Variants in RBFOX1 observed in about 807,000 individuals in gnomAD.
RBFOX1 encodes the protein RNA binding fox-1 homolog 1, also known as RNA binding protein fox-1 homolog 1.
In RBFOX1, 8 loss-of-function variants were observed where a neutral mutation model predicts 57.7. That is an observed-to-expected ratio of 0.14 (90% CI 0.08 to 0.25). The LOEUF is 0.25. Among genes scored for constraint, RBFOX1 ranks in the 10% least tolerant of loss-of-function variants. The pLI is 1.00. For synonymous variants in RBFOX1, 326 were observed against 222.4 expected (o/e 1.47, Z -4.15); for missense variants, 611 against 548.5 (o/e 1.11, Z -1.14).
At chr16:5,862,373 C>T (rs1234379781) in intron 3 of RBFOX1, among the ~76,000 whole-genome samples, 1 of 152,102 alleles carries the variant, frequency 6.6e-6, no homozygotes, top group African/African-American at 2.4e-5. Flanking sequence ...CCAGGGATGG[C>T]ACTTGAGGGA....
intron 3 of RBFOX1, among the ~76,000 whole-genome samples, chr16:6,818,207 G>A (rs57956816): frequency 2.6e-5 from 4 of 151,994 alleles, no homozygotes; most frequent in Non-Finnish European, 5.9e-5. Flanking sequence ...TCCTGTGACA[G>A]TTTGGCCAAC....
chr16:7,003,316 T>C (rs2093002144), intron 3 of RBFOX1, among the ~76,000 whole-genome samples: 1 of 151,894 alleles, frequency 6.6e-6, no homozygotes, highest in Non-Finnish European at 1.5e-5. Flanking sequence ...AAAAATTAGC[T>C]GGGCGTGATG....
intron 3 of RBFOX1, among the ~76,000 whole-genome samples, chr16:5,737,354 G>A (rs765830548): frequency 3.3e-5 from 5 of 151,934 alleles, no homozygotes; most frequent in East Asian, 1.9e-4. Context: ...GCGTGGTGGC[G>A]TGTGCCTGTA....
chr16:6,979,891 G>T (rs975631104), intron 3 of RBFOX1, among the ~76,000 whole-genome samples: 2 of 152,094 alleles, frequency 1.3e-5, no homozygotes, highest in Admixed American at 6.6e-5. Flanking sequence ...TCTAGGTGTG[G>T]CCACAGGACA....
chr16:7,317,114 G>T (rs1418123109), intron 4 of RBFOX1, among the ~76,000 whole-genome samples: 1 of 152,076 alleles, frequency 6.6e-6, no homozygotes, highest in African/African-American at 2.4e-5. Flanking sequence ...GAGGACGGGG[G>T]TGTCAAGTAG....
At chr16:7,352,303 C>T (rs2097142881) in intron 4 of RBFOX1, among the ~76,000 whole-genome samples, 1 of 152,168 alleles carries the variant, frequency 6.6e-6, no homozygotes, top group Non-Finnish European at 1.5e-5. Context: ...GCAGAAACAA[C>T]TGGCCCTGTC....
At chr16:7,568,028 T>A (rs1567872009) in intron 5 of RBFOX1, among the ~76,000 whole-genome samples, 1 of 151,996 alleles carries the variant, frequency 6.6e-6, no homozygotes, top group Non-Finnish European at 1.5e-5. Flanking sequence ...GAAACTTAGT[T>A]GACTCAATAA....
chr16:7,609,713 T>G (rs531625232), intron 10 of RBFOX1, among the ~76,000 whole-genome samples: 2 of 152,316 alleles, frequency 1.3e-5, no homozygotes, highest in African/African-American at 4.8e-5. Flanking sequence ...GCTCTGAGAT[T>G]TCAGCTGGTC....
chr16:5,888,839 A>G (rs1449386134), intron 4 of RBFOX1, among the ~76,000 whole-genome samples: 1 of 150,524 alleles, frequency 6.6e-6, no homozygotes, highest in Non-Finnish European at 1.5e-5. Context: ...GAATTAAAAG[A>G]AACCTGAATG....
intron 3 of RBFOX1, among the ~76,000 whole-genome samples, chr16:6,751,207 A>G (rs1032555585): frequency 6.6e-5 from 10 of 152,188 alleles, no homozygotes; most frequent in African/African-American, 2.4e-4. Flanking sequence ...TTTTAAGGAC[A>G]AGGGTATTGA....
At chr16:7,369,086 C>T (rs895623160) in intron 4 of RBFOX1, among the ~76,000 whole-genome samples, 3 of 151,910 alleles carry the variant, frequency 2.0e-5, no homozygotes, top group Non-Finnish European at 4.4e-5. Context: ...AAGAGGAATA[C>T]AGAAAAGAAG....
rs1400368198 is a variant in RBFOX1 at position 7,420,898 on chromosome 16, CACACATATATATACATATATATATAT to C, written c.28-97235_28-97210del. The stretch of plus-strand genomic sequence containing the variant: ...ATCTTTTAAAATATATATATATATA[CACACATATATATACATATATATATAT>C]ACACATATATATATACACACACACA... On this transcript the variant is annotated intron_variant, in intron 4 of 15. Transcript: ENST00000550418. 1.1e-4 allele frequency among the ~76,000 whole-genome samples: 16 copies of C among 145,622 alleles called. 1 individual carries two copies. Among genetic ancestry groups the C allele is most frequent in the African/African-American group, 4.1e-4 (16 of 39,446 alleles).
intron 2 of RBFOX1, among the ~76,000 whole-genome samples, chr16:5,500,210 G>C (rs369423314): frequency 2.3e-4 from 17 of 73,486 alleles, no homozygotes; most frequent in African/African-American, 1.8e-3. Context: ...CCATTCCATT[G>C]CATTCCGTTC....
chr16:5,993,856 T>C (rs1032549146), intron 4 of RBFOX1, among the ~76,000 whole-genome samples: 8 of 152,132 alleles, frequency 5.3e-5, no homozygotes, highest in Non-Finnish European at 8.8e-5. Flanking sequence ...ATAGGATAGG[T>C]AAGTCTGGGA....
intron 5 of RBFOX1, among the ~76,000 whole-genome samples, chr16:7,543,328 CAG>C (rs1366035800): frequency 1.3e-5 from 2 of 152,148 alleles, no homozygotes; most frequent in Non-Finnish European, 2.9e-5. Flanking sequence ...TGAAGGGTGT[CAG>C]ATTCTGGGAG....
chr16:5,650,338 T>C (rs1012182591), intron 3 of RBFOX1, among the ~76,000 whole-genome samples: 1 of 145,028 alleles, frequency 6.9e-6, no homozygotes. Context: ...GTGGTGGTGG[T>C]GGTGGTGGTG....
intron 14 of RBFOX1, among the ~76,000 whole-genome samples, chr16:7,699,274 C>G (rs556549975): frequency 2.8e-4 from 23 of 82,782 alleles, no homozygotes; most frequent in Non-Finnish European, 6.0e-4. Context: ...TCCTGTAATC[C>G]TGGACCTCCT....
At chr16:6,069,007 A>G (rs1032965474) in intron 1 of RBFOX1, among the ~76,000 whole-genome samples, 19 of 152,076 alleles carry the variant, frequency 1.2e-4, no homozygotes, top group Admixed American at 2.6e-4. Flanking sequence ...TAATAAACAT[A>G]TTTATAAAAA....
intron 3 of RBFOX1, among the ~76,000 whole-genome samples, chr16:6,757,213 C>T (rs956344639): frequency 9.2e-5 from 14 of 151,984 alleles, no homozygotes; most frequent in African/African-American, 2.2e-4. Flanking sequence ...AAAATTGGCA[C>T]AGCTAATAGG....
Sources: allele counts gnomAD v4.1 joint callset (sites outside exome capture counted in the v4.1 genomes callset), GRCh38; gene constraint gnomAD v4.1.1; transcripts MANE v1.5; gene names NCBI Gene and HGNC (gene_info 2026-07-23, HGNC 2026-07-21).